Variants in CYREN observed in about 807,000 individuals in gnomAD.
CYREN encodes cell cycle regulator of non-homologous end joining.
A neutral mutation model predicts 9.7 loss-of-function variants in CYREN; 7 were observed. The ratio of observed to expected loss-of-function variants is 0.72; its 90% CI spans 0.41 to 1.36. The LOEUF is 1.36. CYREN is among the 40% of genes most tolerant of loss of function. CYREN has a pLI of 0.01. For synonymous variants in CYREN, 76 were observed against 77.9 expected (o/e 0.98, Z 0.13); for missense variants, 215 against 198.1 (o/e 1.09, Z -0.51).
intron 2 of CYREN, chr7:135,168,520 T>C (rs1039458403): frequency 4.4e-5 from 22 of 498,774 alleles, no homozygotes; most frequent in Middle Eastern, 1.0e-3. Context: ...CATCAGAGAC[T>C]GGCTGACATG....
chr7:135,103,481 C>T (rs1824168682), intron 2 of CYREN, among the ~76,000 whole-genome samples: 1 of 152,026 alleles, frequency 6.6e-6, no homozygotes. Context: ...AATATGCATG[C>T]TTTTTTCTTA....
intron 2 of CYREN, among the ~76,000 whole-genome samples, chr7:135,136,984 C>T (rs1829360197): frequency 6.6e-6 from 1 of 152,046 alleles, no homozygotes; most frequent in Non-Finnish European, 1.5e-5. Flanking sequence ...TTTCAGTTTT[C>T]TGAGCATGCC....
At chr7:135,113,054 A>G (rs1175206209) in intron 2 of CYREN, among the ~76,000 whole-genome samples, 3 of 152,156 alleles carry the variant, frequency 2.0e-5, no homozygotes, top group African/African-American at 7.2e-5. Flanking sequence ...TGAGATTACA[A>G]GCATGAGCTA....
At chr7:135,144,341 T>C (rs1164416798) in intron 2 of CYREN, among the ~76,000 whole-genome samples, 4 of 152,092 alleles carry the variant, frequency 2.6e-5, no homozygotes, top group African/African-American at 4.8e-5. Flanking sequence ...GTGGCTCAGA[T>C]ATGTTGCCCA....
At chr7:135,171,872 G>A (rs939440748), upstream of CYREN, among the ~76,000 whole-genome samples, 2 of 152,242 alleles carry the variant, frequency 1.3e-5, no homozygotes, top group East Asian at 1.9e-4. Flanking sequence ...CCGGTGGAAT[G>A]CCTTGCCAGA....
rs537794368 is a variant in CYREN at position 135,115,416 on chromosome 7, G to A, written n.357-20834C>T. 5 of 1,551,134 alleles carry A rather than the reference G, an allele frequency of 3.2e-6. No individual in the cohort carries two copies. In the African/African-American group the frequency reaches 4.1e-5, roughly 13 times the overall value. ...AACTTAAAAAGCAAAATAAAAGAATGCATATCTTTCCAAAGCAAGAAGACT... is the reference window on the plus strand; with the variant it reads ...AACTTAAAAAGCAAAATAAAAGAATACATATCTTTCCAAAGCAAGAAGACT... On this transcript the variant is annotated intron_variant and non_coding_transcript_variant, in intron 2 of 2. Transcript: ENST00000459937.
chr7:135,164,430 A>G, downstream of CYREN: 1 of 1,587,880 alleles, frequency 6.3e-7, no homozygotes, highest in Non-Finnish European at 8.6e-7. Context: ...CCCCCGGCAG[A>G]GGGCAGTAGA....
chr7:135,121,552 G>GAA lies in CYREN; in HGVS notation n.357-26972_357-26971dup, dbSNP rs76824052. ...GAAATCAATAGCCAAAGGGTAATAG[G>GAA]AAAAAAAAAAAAAAACCTAAACATT... On this transcript the variant is annotated intron_variant and non_coding_transcript_variant, in intron 2 of 2. Transcript: ENST00000459937. Among the ~76,000 whole-genome samples, 90 of 123,616 alleles carry GAA rather than the reference G, an allele frequency of 7.3e-4. 1 individual carries two copies. In the East Asian group the frequency reaches 0.018, roughly 25 times the overall value. The allele number at this position is 123,616 out of a possible 152,430, so 81.1% of individuals were successfully genotyped here.
intron 2 of CYREN, among the ~76,000 whole-genome samples, chr7:135,094,854 G>C (rs1472732737): frequency 6.6e-6 from 1 of 152,174 alleles, no homozygotes; most frequent in Non-Finnish European, 1.5e-5. Flanking sequence ...AACAAAGAAG[G>C]CTTTAATCAT....
At position 135,166,229 on chromosome 7, in the gene CYREN, C is replaced by T. The variant is rs1445158166; in HGVS notation, c.*382G>A. The T allele has an allele frequency of 5.8e-6, 1 of 173,876 alleles. No homozygotes were observed. The highest frequency in any genetic ancestry group is 1.2e-5 in the Non-Finnish European group (1 of 82,838). The allele number at this position is 173,876 out of a possible 1,614,324, so 10.8% of individuals were successfully genotyped here. A position where few individuals can be genotyped will look rare whatever the true frequency, so the allele number is the denominator to read the frequency against. On this transcript the variant is annotated 3_prime_UTR_variant, in exon 4 of 4. Transcript: ENST00000393114. Reference sequence around the variant, plus strand: ...AATTCCAGTGCACCTGGCAGTGATCCTTTTCTTTGCAAAGTACTGTCTCTT... The same window carrying T: ...AATTCCAGTGCACCTGGCAGTGATCTTTTTCTTTGCAAAGTACTGTCTCTT...
intron 2 of CYREN, among the ~76,000 whole-genome samples, chr7:135,124,266 A>T (rs1233525100): frequency 6.6e-6 from 1 of 152,130 alleles, no homozygotes; most frequent in Admixed American, 6.5e-5. Context: ...CTGACAAAAT[A>T]GACTTTAAAC....
At chr7:135,101,162 A>T (rs1236572578) in intron 2 of CYREN, 4 of 456,036 alleles carry the variant, frequency 8.8e-6, no homozygotes, top group South Asian at 6.2e-5. Context: ...CTAGGAAAAA[A>T]ATTCCCCTCA....
chr7:135,160,742 A>C (rs1829912379), intron 2 of CYREN, among the ~76,000 whole-genome samples: 2 of 151,904 alleles, frequency 1.3e-5, no homozygotes, highest in African/African-American at 2.4e-5. Flanking sequence ...ATTTAAAAAA[A>C]AAAAACAAAA....
chr7:135,128,263 G>A (rs1277265984), intron 2 of CYREN, among the ~76,000 whole-genome samples: 3 of 111,784 alleles, frequency 2.7e-5, no homozygotes, highest in African/African-American at 1.0e-4. Context: ...CTGCACTCCA[G>A]CCTGGGCAAC....
At chr7:135,099,144 ATGTTAGAC>A (rs1224168912) in intron 2 of CYREN, among the ~76,000 whole-genome samples, 2 of 151,462 alleles carry the variant, frequency 1.3e-5, no homozygotes, top group African/African-American at 4.9e-5. Context: ...TAATTATTAT[ATGTTAGAC>A]TATTTTTTGG....
intron 2 of CYREN, among the ~76,000 whole-genome samples, chr7:135,138,724 T>G (rs534695449): frequency 6.6e-6 from 1 of 152,076 alleles, no homozygotes; most frequent in African/African-American, 2.4e-5. Context: ...TAGGTAGATT[T>G]TCGATCCTCA....
chr7:135,147,225 C>T (rs1829564313), intron 2 of CYREN, among the ~76,000 whole-genome samples: 1 of 152,182 alleles, frequency 6.6e-6, no homozygotes, highest in South Asian at 2.1e-4. Flanking sequence ...TGTAGCAGAA[C>T]TCTCTGATCT....
chr7:135,167,774 A>G lies in CYREN; in HGVS notation c.171T>C (p.Asn57=). 1 of 1,614,202 alleles carries G rather than the reference A, an allele frequency of 6.2e-7. No homozygotes were observed. ...LPATRTVYCM[N]EAEIVDVALG... is the part of the protein sequence containing the mutation. ...GAGCAACATCAACTATCTCAGCCTC[A>G]TTCATGCAGTACACAGTCCTTGTCG... Residue 57 remains asparagine (N), a synonymous_variant, in exon 3 of 4, where the codon AAT becomes AAC. Coordinates refer to ENST00000393114, the MANE Select transcript of CYREN (RefSeq NM_024033.4).
rs75336600 is a variant in CYREN at position 135,096,241 on chromosome 7, T to G, written n.357-1659A>C. Among the ~76,000 whole-genome samples the G allele has an allele frequency of 7.8e-3, 1,190 of 152,124 alleles. 13 individuals are homozygous for G. The highest frequency in any genetic ancestry group is 8.8e-3 in the Non-Finnish European group (596 of 67,990). ...ACTAACTTAATTTCAGTGTTGTGTA[T>G]ATTGGGATCATGTTTCCTAAGAGTT... On this transcript the variant is annotated intron_variant and non_coding_transcript_variant, in intron 2 of 2. Coordinates refer to the CYREN transcript ENST00000459937.
Sources: allele counts gnomAD v4.1 joint callset (sites outside exome capture counted in the v4.1 genomes callset), GRCh38; gene constraint gnomAD v4.1.1; transcripts MANE v1.5; gene names NCBI Gene and HGNC (gene_info 2026-07-23, HGNC 2026-07-21).